The following H2AC12 variants were observed in gnomAD, a reference collection of about 807,000 sequenced individuals.
H2AC12 encodes H2A clustered histone 12, also known as histone H2A type 1-H.
H2AC12 carries 9 observed loss-of-function variants against 5.8 expected under a neutral mutation model. That is an observed-to-expected ratio of 1.56 (90% CI 0.94 to 2.71). The LOEUF (loss-of-function observed/expected upper bound fraction) is 2.71. Ranked by LOEUF, H2AC12 falls within the 30% of genes most tolerant of loss-of-function variation. The pLI is 0.00. For missense variants in H2AC12, 232 were observed against 173.1 expected, an observed-to-expected ratio of 1.34 and a Z score of -1.91; for synonymous variants, 158 against 78.1, an observed-to-expected ratio of 2.02 and a Z score of -5.39.
Position 27,147,506 on chromosome 6 carries a change from G to A in H2AC12, c.378G>A (p.Lys126=). The A allele has an allele frequency of 3.1e-6, 5 of 1,614,040 alleles. No individual in the cohort carries two copies. The highest frequency in any genetic ancestry group is 1.7e-5 in the Admixed American group (1 of 59,998). ...LLPKKTESHH[K]AK The stretch of plus-strand genomic sequence containing the variant: ...CTAAGAAGACTGAGAGCCACCATAA[G>A]GCCAAATAAGGAGCGAGGTTGTGAA... The change falls in exon 1 of 1, where the codon AAG becomes AAA. Residue 126 remains lysine, a synonymous_variant. Transcript: ENST00000377459.
Position 27,147,473 on chromosome 6 carries a change from G to A in H2AC12, c.345G>A (p.Val115=). 2 of 1,614,240 alleles carry A rather than the reference G, an allele frequency of 1.2e-6. No homozygotes were observed. Among genetic ancestry groups the A allele is most frequent in the Non-Finnish European group, 8.5e-7 (1 of 1,180,044 alleles). ...QGGVLPNIQA[V]LLPKKTESHH... is the part of the protein sequence containing the mutation. ...GTGTCTTGCCCAATATCCAGGCCGTGCTGCTGCCTAAGAAGACTGAGAGCC... is the reference window on the plus strand; with the variant it reads ...GTGTCTTGCCCAATATCCAGGCCGTACTGCTGCCTAAGAAGACTGAGAGCC... The change falls in exon 1 of 1, where the codon GTG becomes GTA. Residue 115 remains valine, a synonymous_variant. Transcript: ENST00000377459.
chr6:27,147,326 G>A lies in H2AC12; in HGVS notation c.198G>A (p.Leu66=), dbSNP rs369079676. 6.2e-7 allele frequency: 1 copy of A among 1,614,080 alleles called. No individual in the cohort carries two copies. Among genetic ancestry groups the A allele is most frequent in the African/African-American group, 1.3e-5 (1 of 74,924 alleles). The change falls in exon 1 of 1, where the codon CTG becomes CTA. Residue 66 remains leucine (L), a synonymous_variant. Coordinates refer to ENST00000377459, the MANE Select transcript of H2AC12 (RefSeq NM_080596.3). ...LEYLTAEILE[L]AGNAARDNKK... is the part of the protein sequence containing the mutation. ...ACCTGACCGCTGAGATCCTGGAGCT[G>A]GCTGGCAATGCGGCCCGCGACAACA...
At position 27,147,514 on chromosome 6, in the gene H2AC12, A is replaced by G. The variant is rs199635344; in HGVS notation, c.386A>G (p.Ter129=). 8.9e-5 allele frequency: 143 copies of G among 1,613,818 alleles called. No homozygotes were observed. The highest frequency in any genetic ancestry group is 1.2e-4 in the Non-Finnish European group (139 of 1,179,878). ...KKTESHHKAK[*] ...ACTGAGAGCCACCATAAGGCCAAAT[A>G]AGGAGCGAGGTTGTGAAAACTGGAA... Residue 129 remains the stop codon, a stop_retained_variant, in exon 1 of 1, where the codon TAA becomes TGA. Transcript: ENST00000377459.
At position 27,147,395 on chromosome 6, in the gene H2AC12, C is replaced by A. The variant is rs1760122584; in HGVS notation, c.267C>A (p.Arg89=). The A allele has an allele frequency of 1.2e-6, 2 of 1,614,116 alleles. No individual in the cohort carries two copies. Among genetic ancestry groups the A allele is most frequent in the Admixed American group, 1.7e-5 (1 of 60,006 alleles). Residue 89 remains arginine, a synonymous_variant, in exon 1 of 1, where the codon CGC becomes CGA. Coordinates refer to ENST00000377459, the MANE Select transcript of H2AC12 (RefSeq NM_080596.3). ...CGCGTCACCTCCAACTGGCCATCCG[C>A]AACGACGAGGAGCTCAACAAGCTGC... ...IIPRHLQLAI[R]NDEELNKLLG...
In H2AC12 at chr6:27,147,203, G is replaced by C; in HGVS notation, c.75G>C (p.Gln25His). The part of the protein sequence containing the change: ...AKTRSSRAGL[Q>H]FPVGRVHRLL... The stretch of plus-strand genomic sequence containing the variant: ...CCCGCTCTTCTCGGGCTGGGCTTCA[G>C]TTCCCCGTGGGCCGAGTGCACCGCC... Residue 25 changes from glutamine (Q) to histidine (H), a missense_variant, in exon 1 of 1, where the codon CAG (glutamine) becomes CAC (histidine). By Grantham distance (24) the Gln-to-His change is conservative. Coordinates refer to ENST00000377459, the MANE Select transcript of H2AC12 (RefSeq NM_080596.3). 6.2e-7 allele frequency: 1 copy of C among 1,614,196 alleles called. No homozygotes were observed. Among genetic ancestry groups the C allele is most frequent in the Non-Finnish European group, 8.5e-7 (1 of 1,180,028 alleles).
chr6:27,147,538 A>G lies in H2AC12; in HGVS notation c.*23A>G. 6.2e-7 allele frequency: 1 copy of G among 1,612,102 alleles called. No individual in the cohort carries two copies. The highest frequency in any genetic ancestry group is 8.5e-7 in the Non-Finnish European group (1 of 1,178,874). On this transcript the variant is annotated 3_prime_UTR_variant, in exon 1 of 1. Coordinates refer to ENST00000377459, the MANE Select transcript of H2AC12 (RefSeq NM_080596.3). ...TAAGGAGCGAGGTTGTGAAAACTGG[A>G]AAACAAAGGCTCTTTTCAGAGCCAT...
In H2AC12 at chr6:27,147,537, G is replaced by C; in HGVS notation, c.*22G>C. On this transcript the variant is annotated 3_prime_UTR_variant, in exon 1 of 1. Coordinates refer to ENST00000377459, the MANE Select transcript of H2AC12 (RefSeq NM_080596.3). ...ATAAGGAGCGAGGTTGTGAAAACTG[G>C]AAAACAAAGGCTCTTTTCAGAGCCA... 1 of 1,612,038 alleles carries C rather than the reference G, an allele frequency of 6.2e-7. No individual in the cohort carries two copies. The highest frequency in any genetic ancestry group is 8.5e-7 in the Non-Finnish European group (1 of 1,178,860).
In H2AC12 at chr6:27,147,116, A is replaced by C; in HGVS notation, c.-13A>C. 1 of 1,584,860 alleles carries C rather than the reference A, an allele frequency of 6.3e-7. No homozygotes were observed. ...CTTTCCTCGTTGGCTACTTTCAGTA[A>C]GTTGTGACCAGTATGTCTGGACGTG... On this transcript the variant is annotated 5_prime_UTR_variant, in exon 1 of 1. Coordinates refer to ENST00000377459, the MANE Select transcript of H2AC12 (RefSeq NM_080596.3).
At position 27,147,464 on chromosome 6, in the gene H2AC12, C is replaced by A. The variant is rs948365672; in HGVS notation, c.336C>A (p.Ile112=). 6.2e-7 allele frequency: 1 copy of A among 1,614,230 alleles called. No homozygotes were observed. The highest frequency in any genetic ancestry group is 8.5e-7 in the Non-Finnish European group (1 of 1,180,046). ...TIAQGGVLPN[I]QAVLLPKKTE... ...CGCAGGGTGGTGTCTTGCCCAATAT[C>A]CAGGCCGTGCTGCTGCCTAAGAAGA... The change falls in exon 1 of 1, where the codon ATC becomes ATA. Residue 112 remains isoleucine, a synonymous_variant. Coordinates refer to ENST00000377459, the MANE Select transcript of H2AC12 (RefSeq NM_080596.3).
Position 27,147,457 on chromosome 6 carries a change from C to T in H2AC12, c.329C>T (p.Pro110Leu), listed in dbSNP as rs745770533. Residue 110 changes from proline (P) to leucine (L), a missense_variant, in exon 1 of 1, where the codon CCC becomes CTC. Pro to Leu is a moderately conservative substitution (Grantham distance 98, BLOSUM62 -3). Transcript: ENST00000377459. ...KVTIAQGGVL[P>L]NIQAVLLPKK... ...ACCATCGCGCAGGGTGGTGTCTTGC[C>T]CAATATCCAGGCCGTGCTGCTGCCT... The T allele has an allele frequency of 6.2e-7, 1 of 1,614,136 alleles. No individual in the cohort carries two copies. The highest frequency in any genetic ancestry group is 8.5e-7 in the Non-Finnish European group (1 of 1,180,016).
chr6:27,147,408 C>G lies in H2AC12; in HGVS notation c.280C>G (p.Leu94Val). 1 of 1,614,100 alleles carries G rather than the reference C, an allele frequency of 6.2e-7. No individual in the cohort carries two copies. The highest frequency in any genetic ancestry group is 2.2e-5 in the East Asian group (1 of 44,896). The part of the protein sequence containing the change: ...LQLAIRNDEE[L>V]NKLLGKVTIA... ...ACTGGCCATCCGCAACGACGAGGAG[C>G]TCAACAAGCTGCTGGGCAAAGTCAC... Residue 94 changes from leucine (L) to valine (V), a missense_variant, in exon 1 of 1, where the codon CTC becomes GTC. Coordinates refer to ENST00000377459, the MANE Select transcript of H2AC12 (RefSeq NM_080596.3).
chr6:27,147,286 C>G lies in H2AC12; in HGVS notation c.158C>G (p.Ala53Gly). ...RVGAGAPVYL[A>G]AVLEYLTAEI... ...GGAGCCGGCGCGCCAGTGTACCTGG[C>G]TGCGGTGCTGGAGTACCTGACCGCT... is the stretch of plus-strand genomic sequence containing the variant. Residue 53 changes from alanine to glycine, a missense_variant, in exon 1 of 1, where the codon GCT becomes GGT. Physicochemically the swap from Ala to Gly is moderately conservative, Grantham distance 60. Coordinates refer to ENST00000377459, the MANE Select transcript of H2AC12 (RefSeq NM_080596.3). The G allele has an allele frequency of 1.9e-6, 3 of 1,614,174 alleles. No homozygotes were observed. Among genetic ancestry groups the G allele is most frequent in the Non-Finnish European group, 2.5e-6 (3 of 1,180,022 alleles).
Position 27,147,245 on chromosome 6 carries a change from T to C in H2AC12, c.117T>C (p.Asn39=), listed in dbSNP as rs954026769. 12 of 1,614,112 alleles carry C rather than the reference T, an allele frequency of 7.4e-6. No individual in the cohort carries two copies. The Middle Eastern group carries it at 4.9e-4, about 67-fold the overall frequency. Reference sequence around the variant, plus strand: ...TGCACCGCCTGCTCCGCAAGGGTAATTATGCCGAGCGGGTTGGAGCCGGCG... The same window carrying C: ...TGCACCGCCTGCTCCGCAAGGGTAACTATGCCGAGCGGGTTGGAGCCGGCG... ...GRVHRLLRKG[N]YAERVGAGAP... is the part of the protein sequence containing the mutation. Residue 39 remains asparagine, a synonymous_variant, in exon 1 of 1, where the codon AAT becomes AAC. Transcript: ENST00000377459.
chr6:27,147,481 C>T lies in H2AC12; in HGVS notation c.353C>T (p.Pro118Leu). ...CCCAATATCCAGGCCGTGCTGCTGCCTAAGAAGACTGAGAGCCACCATAAG... is the reference window on the plus strand; with the variant it reads ...CCCAATATCCAGGCCGTGCTGCTGCTTAAGAAGACTGAGAGCCACCATAAG... ...VLPNIQAVLL[P>L]KKTESHHKAK The change falls in exon 1 of 1, where the codon CCT (proline) becomes CTT (leucine). Residue 118 changes from proline (P) to leucine (L), a missense_variant. Coordinates refer to ENST00000377459, the MANE Select transcript of H2AC12 (RefSeq NM_080596.3). 6.2e-7 allele frequency: 1 copy of T among 1,614,180 alleles called. No individual in the cohort carries two copies.
rs987799718 is a variant in H2AC12 at position 27,147,269 on chromosome 6, C to T, written c.141C>T (p.Gly47=). The change falls in exon 1 of 1, where the codon GGC becomes GGT. Residue 47 remains glycine, a synonymous_variant. Coordinates refer to ENST00000377459, the MANE Select transcript of H2AC12 (RefSeq NM_080596.3). ...KGNYAERVGA[G]APVYLAAVLE... ...ATTATGCCGAGCGGGTTGGAGCCGG[C>T]GCGCCAGTGTACCTGGCTGCGGTGC... 6.8e-6 allele frequency: 11 copies of T among 1,614,134 alleles called. No individual in the cohort carries two copies. Among genetic ancestry groups the T allele is most frequent in the Admixed American group, 6.7e-5 (4 of 60,020 alleles).
Position 27,147,171 on chromosome 6 carries a change from G to GCCAAGA in H2AC12, c.46_51dup (p.Lys16_Thr17dup), listed in dbSNP as rs769995582. The GCCAAGA allele has an allele frequency of 3.7e-6, 6 of 1,613,762 alleles. No homozygotes were observed. In the South Asian group the frequency reaches 5.5e-5, roughly 15 times the overall value. On this transcript the variant is annotated inframe_insertion, in exon 1 of 1. Transcript: ENST00000377459. ...GCAAGGCGGTAAAGCTCGCGCCAAG[G>GCCAAGA]CCAAGACCCGCTCTTCTCGGGCTGG...
Position 27,147,121 on chromosome 6 carries a change from T to A in H2AC12, c.-8T>A, listed in dbSNP as rs189033282. ...CTCGTTGGCTACTTTCAGTAAGTTG[T>A]GACCAGTATGTCTGGACGTGGCAAG... On this transcript the variant is annotated 5_prime_UTR_variant, in exon 1 of 1. Transcript: ENST00000377459. 81 of 1,603,490 alleles carry A rather than the reference T, an allele frequency of 5.1e-5. No individual in the cohort carries two copies. In the African/African-American group the frequency reaches 9.2e-4, roughly 18 times the overall value.
In H2AC12 at chr6:27,147,523, G is replaced by C. The variant is rs1053871556; in HGVS notation, c.*8G>C. Reference sequence around the variant, plus strand: ...CACCATAAGGCCAAATAAGGAGCGAGGTTGTGAAAACTGGAAAACAAAGGC... The same window carrying C: ...CACCATAAGGCCAAATAAGGAGCGACGTTGTGAAAACTGGAAAACAAAGGC... On this transcript the variant is annotated 3_prime_UTR_variant, in exon 1 of 1. Coordinates refer to ENST00000377459, the MANE Select transcript of H2AC12 (RefSeq NM_080596.3). 1.9e-6 allele frequency: 3 copies of C among 1,613,168 alleles called. No individual in the cohort carries two copies. Among genetic ancestry groups the C allele is most frequent in the Non-Finnish European group, 2.5e-6 (3 of 1,179,532 alleles).
chr6:27,147,354 A>C lies in H2AC12; in HGVS notation c.226A>C (p.Lys76Gln). ...TGGCAATGCGGCCCGCGACAACAAGAAGACCCGTATCATCCCGCGTCACCT... is the reference window on the plus strand; with the variant it reads ...TGGCAATGCGGCCCGCGACAACAAGCAGACCCGTATCATCCCGCGTCACCT... ...LAGNAARDNK[K>Q]TRIIPRHLQL... The change falls in exon 1 of 1, where the codon AAG becomes CAG. Residue 76 changes from lysine to glutamine, a missense_variant. By Grantham distance (53) the Lys-to-Gln change is moderately conservative. Transcript: ENST00000377459. 1 of 1,614,120 alleles carries C rather than the reference A, an allele frequency of 6.2e-7. No individual in the cohort carries two copies. Among genetic ancestry groups the C allele is most frequent in the Non-Finnish European group, 8.5e-7 (1 of 1,180,000 alleles).
Sources: gnomAD v4.1 joint callset for allele counts on GRCh38, gnomAD v4.1.1 for gene constraint, MANE v1.5 for transcripts, NCBI Gene and HGNC (gene_info 2026-07-23, HGNC 2026-07-21) for gene names.